The following KCNN3 variants were observed in gnomAD, a reference collection of about 807,000 sequenced individuals.
The protein encoded by KCNN3 is small conductance calcium-activated potassium channel protein 3.
In KCNN3, 16 loss-of-function variants were observed where a neutral mutation model predicts 62.9. The ratio of observed to expected loss-of-function variants is 0.25; its 90% CI spans 0.17 to 0.39. The LOEUF is 0.39. Ranked by LOEUF, KCNN3 falls within the 10% of genes least tolerant of loss-of-function variation. The probability of loss-of-function intolerance (pLI) is 1.00; values close to 1 mark genes in which losing one functional copy is unlikely to be tolerated. For missense variants in KCNN3, 599 were observed against 949.4 expected, an observed-to-expected ratio of 0.63 and a Z score of 4.85; for synonymous variants, 370 against 389.2, an observed-to-expected ratio of 0.95 and a Z score of 0.58.
chr1:154,869,864 T>A lies in KCNN3; in HGVS notation c.101A>T (p.Gln34Leu). 6.3e-7 allele frequency: 1 copy of A among 1,592,786 alleles called. No homozygotes were observed. The highest frequency in any genetic ancestry group is 8.5e-7 in the Non-Finnish European group (1 of 1,170,230). ...PSSGDEQQQQ[Q>L]QQQQQQQPPP... Reference sequence around the variant, plus strand: ...TGGCTGCTGCTGCTGTTGCTGCTGCTGCTGCTGCTGCTGCTCATCCCCAGA... The same window carrying A: ...TGGCTGCTGCTGCTGTTGCTGCTGCAGCTGCTGCTGCTGCTCATCCCCAGA... The change falls in exon 1 of 8, where the codon CAG becomes CTG. Residue 34 changes from glutamine (Q) to leucine (L), a missense_variant. Coordinates refer to ENST00000271915, the MANE Select transcript of KCNN3 (RefSeq NM_002249.6). This position sits in a 1 kb window ranked among gnomAD's most constrained non-coding sequence, Gnocchi z 6.1.
chr1:154,815,191 C>A (rs1036172456), intron 2 of KCNN3, among the ~76,000 whole-genome samples: 5 of 152,218 alleles, frequency 3.3e-5, no homozygotes, highest in Non-Finnish European at 5.9e-5. Flanking sequence ...ATTTCTAATT[C>A]ATCAACCAAC....
At chr1:154,714,763 T>C in intron 6 of KCNN3, 113 bp downstream of exon 6, 1 of 1,454,936 alleles carries the variant, frequency 6.9e-7, no homozygotes, top group South Asian at 1.1e-5. Context: ...AGTTCACCAC[T>C]CCACTTGTTG....
intron 1 of KCNN3, among the ~76,000 whole-genome samples, chr1:154,831,797 C>T (rs907829608): frequency 1.3e-5 from 2 of 152,120 alleles, no homozygotes; most frequent in African/African-American, 4.8e-5. Flanking sequence ...CCCAGTGAAA[C>T]AAATGCCTCT....
intron 3 of KCNN3, among the ~76,000 whole-genome samples, chr1:154,742,537 G>A (rs1700843932): frequency 6.6e-6 from 1 of 152,176 alleles, no homozygotes; most frequent in African/African-American, 2.4e-5. Context: ...GCAGTGCCGG[G>A]CACATAGGTG....
chr1:154,716,666 G>T lies in KCNN3; in HGVS notation c.1702-1663C>A, dbSNP rs533637394. 2.0e-5 allele frequency among the ~76,000 whole-genome samples: 3 copies of T among 152,352 alleles called. No individual in the cohort carries two copies. In the South Asian group the frequency reaches 6.2e-4, roughly 32 times the overall value. On this transcript the variant is annotated intron_variant, in intron 5 of 7. Transcript: ENST00000271915. The stretch of plus-strand genomic sequence containing the variant: ...ATAAATATTGCTTTTTAAAAATTCA[G>T]TAAAGATCTGCTGTGAAAATAGTTT...
intron 5 of KCNN3, among the ~76,000 whole-genome samples, chr1:154,719,067 C>T (rs747260246): frequency 3.9e-5 from 6 of 152,230 alleles, no homozygotes; most frequent in Non-Finnish European, 7.4e-5. Context: ...GAGGGGCTGT[C>T]GGTTGCGGCA....
chr1:154,746,365 G>A (rs1409955319), intron 3 of KCNN3, among the ~76,000 whole-genome samples: 1 of 152,174 alleles, frequency 6.6e-6, no homozygotes, highest in Admixed American at 6.5e-5. Context: ...GGCAGGCTCA[G>A]GAGAAGGCTG....
At chr1:154,817,944 G>A (rs1369563686) in intron 2 of KCNN3, among the ~76,000 whole-genome samples, 3 of 152,172 alleles carry the variant, frequency 2.0e-5, no homozygotes, top group African/African-American at 7.2e-5. Context: ...GTGGAGCCAG[G>A]GGCTGCCGGT....
At chr1:154,863,282 G>A (rs1359399582) in intron 1 of KCNN3, among the ~76,000 whole-genome samples, 2 of 152,124 alleles carry the variant, frequency 1.3e-5, no homozygotes, top group Non-Finnish European at 2.9e-5. Flanking sequence ...TTCCTCACCC[G>A]AAGAAAAGGC....
chr1:154,714,231 G>A (rs1700155065), intron 6 of KCNN3, among the ~76,000 whole-genome samples: 1 of 11,098 alleles, frequency 9.0e-5, no homozygotes, highest in African/African-American at 2.9e-4. Flanking sequence ...GTGTGTGTGG[G>A]GTGTGTGCGG....
chr1:154,827,043 A>T (rs1651165913), intron 1 of KCNN3, among the ~76,000 whole-genome samples: 1 of 152,200 alleles, frequency 6.6e-6, no homozygotes, highest in Non-Finnish European at 1.5e-5. Context: ...CAAAGGGAAA[A>T]GGTGATAGTA....
chr1:154,729,088 C>T (rs1397037616), intron 4 of KCNN3, among the ~76,000 whole-genome samples: 1 of 152,122 alleles, frequency 6.6e-6, no homozygotes, highest in African/African-American at 2.4e-5. Context: ...TTTTAAGAGA[C>T]AAATCACCGA....
intron 1 of KCNN3, among the ~76,000 whole-genome samples, chr1:154,830,928 T>A (rs966041967): frequency 2.0e-5 from 3 of 152,068 alleles, no homozygotes; most frequent in African/African-American, 7.2e-5. Flanking sequence ...CAAACATAAT[T>A]CCAATTAAGG....
At chr1:154,710,220 G>T (rs1402972550) in intron 7 of KCNN3, among the ~76,000 whole-genome samples, 1 of 152,184 alleles carries the variant, frequency 6.6e-6, no homozygotes, top group Non-Finnish European at 1.5e-5. Context: ...AAGGGCAGGA[G>T]TGGGAAGGCG....
At chr1:154,721,489 C>T (rs952515899) in intron 5 of KCNN3, among the ~76,000 whole-genome samples, 35 of 151,828 alleles carry the variant, frequency 2.3e-4, no homozygotes, top group Non-Finnish European at 2.9e-5. Flanking sequence ...TTAGTAGAGA[C>T]GGGGTTTCAC....
chr1:154,721,065 T>C (rs1331528774), intron 5 of KCNN3, among the ~76,000 whole-genome samples: 1 of 152,046 alleles, frequency 6.6e-6, no homozygotes, highest in Non-Finnish European at 1.5e-5. Context: ...GGGTTTAATT[T>C]TGGTCTTATT....
At position 154,715,772 on chromosome 1, in the gene KCNN3, C is replaced by T. The variant is rs576950487; in HGVS notation, c.1702-769G>A. On this transcript the variant is annotated intron_variant, in intron 5 of 7. Transcript: ENST00000271915. ...ATTGCTGCCCTTACATGCAGACTTC[C>T]GAGCTTTGCCTGAGATTGCCACTTC... 4.6e-5 allele frequency among the ~76,000 whole-genome samples: 7 copies of T among 152,284 alleles called. No individual in the cohort carries two copies. The South Asian group carries it at 6.2e-4, about 14-fold the overall frequency.
chr1:154,820,717 A>G (rs1443609571), intron 2 of KCNN3, among the ~76,000 whole-genome samples: 1 of 152,224 alleles, frequency 6.6e-6, no homozygotes, highest in African/African-American at 2.4e-5. Flanking sequence ...CCATGAAGGA[A>G]GCTGCCTGGT....
chr1:154,726,314 C>T (rs1045590066), intron 4 of KCNN3, among the ~76,000 whole-genome samples: 12 of 152,116 alleles, frequency 7.9e-5, no homozygotes, highest in Admixed American at 7.9e-4. Flanking sequence ...TGGGTGGCGC[C>T]GAGGCTTTGG....
Sources: gnomAD v4.1 joint callset for allele counts (sites outside exome capture counted in the v4.1 genomes callset) on GRCh38, gnomAD v4.1.1 for gene constraint, Gnocchi (gnomAD v3.1) non-coding constraint, MANE v1.5 for transcripts, NCBI Gene and HGNC (gene_info 2026-07-23, HGNC 2026-07-21) for gene names.